The following CLNK variants were observed in gnomAD, a reference collection of about 807,000 sequenced individuals.
CLNK encodes cytokine-dependent hematopoietic cell linker.
CLNK carries 74 observed loss-of-function variants against 68.6 expected under a neutral mutation model. The ratio of observed to expected loss-of-function variants is 1.08; its 90% CI spans 0.89 to 1.31. The LOEUF is 1.31. Ranked by LOEUF, CLNK falls within the 50% of genes most tolerant of loss-of-function variation. CLNK has a pLI of 0.00. For missense variants in CLNK, 553 were observed against 515.3 expected, an observed-to-expected ratio of 1.07 and a Z score of -0.71; for synonymous variants, 198 against 172.2, an observed-to-expected ratio of 1.15 and a Z score of -1.17.
In CLNK at chr4:10,489,306, G is replaced by A. The variant is rs562909627; in HGVS notation, c.*1161C>T. 6 of 152,242 alleles carry A rather than the reference G, an allele frequency of 3.9e-5. No individual in the cohort carries two copies. Among genetic ancestry groups the A allele is most frequent in the Admixed American group, 2.6e-4 (4 of 15,290 alleles). 9.4% of individuals were successfully genotyped at this position (152,242 alleles called of 1,614,324 possible). A position where few individuals can be genotyped will look rare whatever the true frequency, so the allele number is the denominator to read the frequency against. The stretch of plus-strand genomic sequence containing the variant: ...GGAATAATATCATGGCCTGTGCAAC[G>A]TTACTGCAAGAATTAGCACTAATTT... On this transcript the variant is annotated 3_prime_UTR_variant, in exon 19 of 19. Transcript: ENST00000226951.
chr4:10,646,812 T>A (rs1029817857), intron 2 of CLNK, among the ~76,000 whole-genome samples: 2 of 152,110 alleles, frequency 1.3e-5, no homozygotes, highest in African/African-American at 4.8e-5. Flanking sequence ...TCCCTTAAGA[T>A]CAACTTTATG....
intron 3 of CLNK, among the ~76,000 whole-genome samples, chr4:10,591,031 A>G (rs1410945271): frequency 6.6e-6 from 1 of 151,918 alleles, no homozygotes; most frequent in African/African-American, 2.4e-5. Context: ...TCTCTCCACC[A>G]CTCAAAGGTG....
At chr4:10,675,193 T>C (rs1290362625) in intron 1 of CLNK, among the ~76,000 whole-genome samples, 1 of 152,216 alleles carries the variant, frequency 6.6e-6, no homozygotes, top group East Asian at 1.9e-4. Context: ...ATCACACCTA[T>C]ATTTTAGAAA....
intron 16 of CLNK, among the ~76,000 whole-genome samples, chr4:10,511,218 G>T (rs925823959): frequency 4.6e-5 from 7 of 151,846 alleles, no homozygotes; most frequent in African/African-American, 1.7e-4. Flanking sequence ...TCCCTAAAAA[G>T]TATAAAACCA....
the CLNK span, among the ~76,000 whole-genome samples, chr4:10,694,242 T>C: frequency 6.6e-6 from 1 of 151,602 alleles, no homozygotes; most frequent in Non-Finnish European, 1.5e-5. Flanking sequence ...ATTTAATTTC[T>C]ATCCGGCCAG....
In CLNK at chr4:10,573,540, G is replaced by A. The variant is rs576162678; in HGVS notation, c.113-1762C>T. 4.6e-5 allele frequency among the ~76,000 whole-genome samples: 7 copies of A among 152,282 alleles called. No individual in the cohort carries two copies. In the South Asian group the frequency reaches 1.5e-3, roughly 32 times the overall value. ...AGAGCAGCAATTTGTACTCTCTCAT[G>A]AATCGAGTTAAATTAATAAGGTCAC... is the stretch of plus-strand genomic sequence containing the variant. On this transcript the variant is annotated intron_variant, in intron 4 of 18. Coordinates refer to ENST00000226951, the MANE Select transcript of CLNK (RefSeq NM_052964.4).
At chr4:10,637,932 C>G (rs1047344642) in intron 2 of CLNK, among the ~76,000 whole-genome samples, 2 of 151,398 alleles carry the variant, frequency 1.3e-5, no homozygotes, top group African/African-American at 4.9e-5. Context: ...ATTGCCTACT[C>G]TCTTAAAGAG....
At chr4:10,511,355 C>A (rs74727665) in intron 16 of CLNK, among the ~76,000 whole-genome samples, 1 of 152,118 alleles carries the variant, frequency 6.6e-6, no homozygotes, top group Non-Finnish European at 1.5e-5. Flanking sequence ...TGACTCTTTT[C>A]GGCAATAATA....
At chr4:10,520,661 G>A (rs1718020634) in intron 15 of CLNK, 130 bp downstream of exon 15, 2 of 629,642 alleles carry the variant, frequency 3.2e-6, no homozygotes, top group African/African-American at 1.8e-5. Flanking sequence ...TAACGCAATG[G>A]AAATGAGCTA....
chr4:10,685,905 A>G (rs1479012626), upstream of CLNK, among the ~76,000 whole-genome samples: 1 of 152,236 alleles, frequency 6.6e-6, no homozygotes, highest in East Asian at 1.9e-4. Context: ...GGCTTAAAGC[A>G]GTAACCACTT....
intron 16 of CLNK, among the ~76,000 whole-genome samples, chr4:10,510,758 C>A (rs193231844): frequency 1.3e-5 from 2 of 152,352 alleles, no homozygotes; most frequent in African/African-American, 4.8e-5. Context: ...AGCCCTCTAT[C>A]TATCAGTGAT....
chr4:10,495,943 G>C (rs1309636303), intron 18 of CLNK, among the ~76,000 whole-genome samples: 1 of 152,182 alleles, frequency 6.6e-6, no homozygotes, highest in Non-Finnish European at 1.5e-5. Context: ...AAGAGGCCAG[G>C]AGTGATTCTC....
chr4:10,672,219 G>C (rs1724674986), intron 1 of CLNK, among the ~76,000 whole-genome samples: 1 of 152,204 alleles, frequency 6.6e-6, no homozygotes, highest in Non-Finnish European at 1.5e-5. Context: ...TGTTGAAACT[G>C]TGCTAGGTGT....
At chr4:10,547,080 C>A (rs957902816) in intron 8 of CLNK, among the ~76,000 whole-genome samples, 12 of 152,132 alleles carry the variant, frequency 7.9e-5, no homozygotes, top group Non-Finnish European at 4.4e-5. Context: ...CACTCATGAT[C>A]CAATTACCCC....
intron 8 of CLNK, among the ~76,000 whole-genome samples, chr4:10,557,638 T>C (rs1198428498): frequency 1.3e-5 from 2 of 152,246 alleles, no homozygotes; most frequent in Non-Finnish European, 2.9e-5. Context: ...AAGTAGTTTC[T>C]TTGCCATAAA....
At chr4:10,505,765 C>G (rs1717265721) in intron 17 of CLNK, among the ~76,000 whole-genome samples, 2 of 152,188 alleles carry the variant, frequency 1.3e-5, no homozygotes. Flanking sequence ...TGCATGATAA[C>G]TTCCCCATCT....
chr4:10,621,789 A>G (rs1057004071), intron 2 of CLNK, among the ~76,000 whole-genome samples: 1 of 152,148 alleles, frequency 6.6e-6, no homozygotes, highest in African/African-American at 2.4e-5. Flanking sequence ...TGTGCTGTGG[A>G]ATATTTTCCA....
the CLNK span, among the ~76,000 whole-genome samples, chr4:10,724,086 C>T: frequency 6.6e-6 from 1 of 152,084 alleles, no homozygotes; most frequent in African/African-American, 2.4e-5. Flanking sequence ...GGGATGCTCT[C>T]AGCATAAGTC....
intron 7 of CLNK, 110 bp from the exon 8 acceptor site, chr4:10,558,562 G>T: frequency 1.0e-6 from 1 of 966,644 alleles, no homozygotes; most frequent in South Asian, 1.5e-5. Flanking sequence ...GTAAGTCCCT[G>T]GGCTCTCTGG....
Sources: allele counts gnomAD v4.1 joint callset (sites outside exome capture counted in the v4.1 genomes callset), GRCh38; gene constraint gnomAD v4.1.1; transcripts MANE v1.5; gene names NCBI Gene and HGNC (gene_info 2026-07-23, HGNC 2026-07-21).